SLC43A2: variants seen among roughly 807,000 people sequenced by gnomAD.
The protein encoded by SLC43A2 is large neutral amino acids transporter small subunit 4.
A neutral mutation model predicts 63.2 loss-of-function variants in SLC43A2; 38 were observed. The observed-to-expected ratio is 0.60, with a 90% CI of 0.46 to 0.79. SLC43A2 has a LOEUF of 0.79. SLC43A2 is among the 30% of genes least tolerant of loss of function. The pLI, the probability that SLC43A2 is intolerant of heterozygous loss-of-function variation, is 0.00. For missense variants in SLC43A2, 644 were observed against 756.2 expected, an observed-to-expected ratio of 0.85 and a Z score of 1.74; for synonymous variants, 322 against 331.0, an observed-to-expected ratio of 0.97 and a Z score of 0.30.
chr17:1,583,168 C>T lies in SLC43A2; in HGVS notation c.1350+36G>A, dbSNP rs2076046512. 1 of 1,603,988 alleles carries T rather than the reference C, an allele frequency of 6.2e-7. No homozygotes were observed. The highest frequency in any genetic ancestry group is 8.5e-7 in the Non-Finnish European group (1 of 1,171,664). On this transcript the variant is annotated intron_variant, in intron 11 of 13. Transcript: ENST00000301335. The surrounding 1 kb of genome is among the most constrained non-coding windows in gnomAD (Gnocchi z 5.5). ...CTTTACATGTTCCTTCTGACTGCCCCACCTCCCACCTGCCCCTCCCACTCC... is the reference window on the plus strand; with the variant it reads ...CTTTACATGTTCCTTCTGACTGCCCTACCTCCCACCTGCCCCTCCCACTCC...
At chr17:1,589,241 G>A (rs1598447081) in intron 9 of SLC43A2, among the ~76,000 whole-genome samples, 1 of 152,328 alleles carries the variant, frequency 6.6e-6, no homozygotes, top group East Asian at 1.9e-4. Context: ...CAGCAGCAGG[G>A]AGATGAGCCT....
At chr17:1,594,872 G>C (rs1401836984) in intron 5 of SLC43A2, among the ~76,000 whole-genome samples, 9 of 151,894 alleles carry the variant, frequency 5.9e-5, no homozygotes, top group Admixed American at 6.6e-5. Flanking sequence ...ACAGGCGTGA[G>C]CCACCGCGCC....
intron 2 of SLC43A2, among the ~76,000 whole-genome samples, chr17:1,627,407 C>G (rs1390466869): frequency 6.6e-6 from 1 of 152,178 alleles, no homozygotes; most frequent in African/African-American, 2.4e-5. Context: ...GAGAGGAGAG[C>G]AGTCCAGCAC....
Position 1,627,757 on chromosome 17 carries a change from G to A in SLC43A2, c.118C>T (p.Leu40Phe). The stretch of plus-strand genomic sequence containing the variant: ...TAGGAGTAAAAGCCCTCTGACTTGA[G>A]CATGATGAGCAGCGAGCCCCAGCCC... ...LLGWGSLLIM[L>F]KSEGFYSYLC... Residue 40 changes from leucine to phenylalanine, a missense_variant, in exon 2 of 14, where the codon CTC (leucine) becomes TTC (phenylalanine). Coordinates refer to ENST00000301335, the MANE Select transcript of SLC43A2 (RefSeq NM_152346.3). The A allele has an allele frequency of 5.6e-6, 9 of 1,595,290 alleles. No homozygotes were observed. Among genetic ancestry groups the A allele is most frequent in the Non-Finnish European group, 6.8e-6 (8 of 1,171,604 alleles).
At chr17:1,587,804 G>C (rs1246086956) in intron 9 of SLC43A2, among the ~76,000 whole-genome samples, 1 of 152,220 alleles carries the variant, frequency 6.6e-6, no homozygotes, top group Non-Finnish European at 1.5e-5. Flanking sequence ...CATGTCACCT[G>C]TCAACTCTTA....
chr17:1,615,620 G>A (rs1452406035), intron 3 of SLC43A2, among the ~76,000 whole-genome samples: 1 of 149,984 alleles, frequency 6.7e-6, no homozygotes, highest in Non-Finnish European at 1.5e-5. Flanking sequence ...GAGGCGGGCA[G>A]ATCACAAGGT....
chr17:1,607,152 T>C (rs1441783779), intron 5 of SLC43A2, among the ~76,000 whole-genome samples: 1 of 152,186 alleles, frequency 6.6e-6, no homozygotes, highest in Non-Finnish European at 1.5e-5. Flanking sequence ...CCTAGAGTCC[T>C]GGGTTATCAC....
At chr17:1,582,870 G>C (rs561132529) in intron 11 of SLC43A2, among the ~76,000 whole-genome samples, 8 of 152,300 alleles carry the variant, frequency 5.3e-5, no homozygotes, top group African/African-American at 1.9e-4. Flanking sequence ...CCTGAGGTCA[G>C]GAGTTCGAGA....
chr17:1,588,442 G>C (rs1904421110), intron 9 of SLC43A2, among the ~76,000 whole-genome samples: 1 of 151,776 alleles, frequency 6.6e-6, no homozygotes, highest in African/African-American at 2.4e-5. Context: ...TATAATCTCA[G>C]CACTTTGGGA....
chr17:1,627,656 C>T (rs1252995100), intron 2 of SLC43A2, 59 bp downstream of exon 2: 8 of 689,906 alleles, frequency 1.2e-5, no homozygotes, highest in Non-Finnish European at 1.7e-5. Context: ...GCCCCCATCC[C>T]GCCCCCTCCC....
chr17:1,585,872 G>T (rs774209356), intron 10 of SLC43A2, 41 bp downstream of exon 10: 2 of 1,612,560 alleles, frequency 1.2e-6, no homozygotes, highest in Non-Finnish European at 1.7e-6. Flanking sequence ...TTCTGCAGGG[G>T]CTGCGGGCTG....
At chr17:1,624,815 T>A (rs552773271) in intron 2 of SLC43A2, among the ~76,000 whole-genome samples, 1 of 152,156 alleles carries the variant, frequency 6.6e-6, no homozygotes, top group East Asian at 1.9e-4. Flanking sequence ...GAGGATTGCT[T>A]GAGCCCAGGA....
chr17:1,584,732 A>C (rs1475678459), intron 10 of SLC43A2, among the ~76,000 whole-genome samples: 1 of 151,514 alleles, frequency 6.6e-6, no homozygotes, highest in Non-Finnish European at 1.5e-5. Flanking sequence ...AGGCAGGAGA[A>C]TGGTGTGAAC....
In SLC43A2 at chr17:1,570,526, G is replaced by C. The variant is rs1328220621; in HGVS notation, c.*5078C>G. 1.4e-5 allele frequency: 2 copies of C among 142,100 alleles called. No homozygotes were observed. The highest frequency in any genetic ancestry group is 2.3e-4 in the South Asian group (1 of 4,434). The allele number at this position is 142,100 out of a possible 1,614,324, so 8.8% of individuals were successfully genotyped here. A position where few individuals can be genotyped will look rare whatever the true frequency, so the allele number is the denominator to read the frequency against. ...TTTTGAGACGGAGTCTCGCTCTGTC[G>C]CCCAGGCTGGAGTGCAGTGGCGGGA... On this transcript the variant is annotated 3_prime_UTR_variant, in exon 14 of 14. Transcript: ENST00000301335.
rs771916831 is a variant in SLC43A2 at position 1,606,432 on chromosome 17, G to A, written c.501+6763C>T. 5.3e-5 allele frequency among the ~76,000 whole-genome samples: 8 copies of A among 152,160 alleles called. No individual in the cohort carries two copies. Among genetic ancestry groups the A allele is most frequent in the African/African-American group, 1.9e-4 (8 of 41,430 alleles). On this transcript the variant is annotated intron_variant, in intron 5 of 13. Transcript: ENST00000301335. The surrounding 1 kb of genome is among the most constrained non-coding windows in gnomAD (Gnocchi z 4.7). Reference sequence around the variant, plus strand: ...AAAATCCACAGAGAAATGTCTCATCGGGGAGCCTGGCAACATTTTGAAACC... The same window carrying A: ...AAAATCCACAGAGAAATGTCTCATCAGGGAGCCTGGCAACATTTTGAAACC...
intron 10 of SLC43A2, among the ~76,000 whole-genome samples, chr17:1,584,261 C>T (rs766191710): frequency 1.3e-5 from 2 of 152,170 alleles, no homozygotes; most frequent in Non-Finnish European, 2.9e-5. Flanking sequence ...CACGCAGACA[C>T]CCTGGATGAT....
intron 11 of SLC43A2, among the ~76,000 whole-genome samples, chr17:1,579,945 T>G (rs2075987070): frequency 6.6e-6 from 1 of 152,122 alleles, no homozygotes; most frequent in Non-Finnish European, 1.5e-5. Flanking sequence ...CCTTTTTTTT[T>G]TTTTGGAGAC....
In SLC43A2 at chr17:1,591,463, A is replaced by C. The variant is rs773269600; in HGVS notation, c.737T>G (p.Ile246Ser). Residue 246 changes from isoleucine (I) to serine (S), a missense_variant, in exon 8 of 14, where the codon ATC becomes AGC. Transcript: ENST00000301335. ...GTCAAAGCCCAGCCAGCTGAACTTGATCTTCACCCTGGGGCCCCGGGAGAG... is the reference window on the plus strand; with the variant it reads ...GTCAAAGCCCAGCCAGCTGAACTTGCTCTTCACCCTGGGGCCCCGGGAGAG... ...GPEDMDYSVK[I>S]KFSWLGFDHK... is the part of the protein sequence containing the mutation. 6.2e-7 allele frequency: 1 copy of C among 1,612,486 alleles called. No individual in the cohort carries two copies. The highest frequency in any genetic ancestry group is 8.5e-7 in the Non-Finnish European group (1 of 1,179,770).
chr17:1,593,401 T>A lies in SLC43A2; in HGVS notation c.502-122A>T. 8.3e-6 allele frequency: 7 copies of A among 838,708 alleles called. No homozygotes were observed. The highest frequency in any genetic ancestry group is 1.4e-5 in the Non-Finnish European group (7 of 511,762). The allele number at this position is 838,708 out of a possible 1,614,324, so 52.0% of individuals were successfully genotyped here. A position where few individuals can be genotyped will look rare whatever the true frequency, so the allele number is the denominator to read the frequency against. On this transcript the variant is annotated intron_variant, in intron 5 of 13. Transcript: ENST00000301335. The surrounding 1 kb of genome is among the most constrained non-coding windows in gnomAD (Gnocchi z 5.3). ...TCACCTGCGCCCCTTCCTGTGTGAC[T>A]CACAGGGGCATTAGTTCAGGGGCAA... is the stretch of plus-strand genomic sequence containing the variant.
Sources: allele counts gnomAD v4.1 joint callset (sites outside exome capture counted in the v4.1 genomes callset), GRCh38; gene constraint gnomAD v4.1.1; non-coding constraint Gnocchi (gnomAD v3.1); transcripts MANE v1.5; gene names NCBI Gene and HGNC (gene_info 2026-07-23, HGNC 2026-07-21).